CACNA1E: variants seen among roughly 807,000 people sequenced by gnomAD.
The protein encoded by CACNA1E is calcium voltage-gated channel subunit alpha1 E.
CACNA1E carries 40 observed loss-of-function variants against 259.2 expected under a neutral mutation model. That is an observed-to-expected ratio of 0.15 (90% confidence interval 0.12 to 0.20). CACNA1E has a LOEUF of 0.20. CACNA1E is among the 10% of genes least tolerant of loss of function. The pLI is 1.00. For missense variants in CACNA1E, 1,874 were observed against 3,040.1 expected (o/e 0.62, Z 9.02); for synonymous variants, 1,104 against 1,138.5 (o/e 0.97, Z 0.61).
At chr1:181,430,031 G>C (rs1659606180) in intron 2 of CACNA1E, among the ~76,000 whole-genome samples, 1 of 152,172 alleles carries the variant, frequency 6.6e-6, no homozygotes, top group Admixed American at 6.5e-5. Flanking sequence ...ACAGCAGACT[G>C]TCTGAGATCA....
chr1:181,588,665 T>A (rs1484557004), intron 6 of CACNA1E, among the ~76,000 whole-genome samples: 1 of 152,252 alleles, frequency 6.6e-6, no homozygotes, highest in Non-Finnish European at 1.5e-5. Flanking sequence ...GTCTTTTGTC[T>A]GTGCATAGCC....
chr1:181,703,953 C>T (rs913415383), intron 7 of CACNA1E, among the ~76,000 whole-genome samples: 1 of 152,126 alleles, frequency 6.6e-6, no homozygotes, highest in Non-Finnish European at 1.5e-5. Flanking sequence ...ATTTATTTGC[C>T]TTAACCACTT....
intron 7 of CACNA1E, among the ~76,000 whole-genome samples, chr1:181,694,481 T>A (rs1651508195): frequency 6.6e-6 from 1 of 152,214 alleles, no homozygotes; most frequent in Admixed American, 6.5e-5. Flanking sequence ...TCTGCCCTCG[T>A]GAATGGATTA....
At chr1:181,620,787 A>G (rs1396113738) in intron 6 of CACNA1E, among the ~76,000 whole-genome samples, 1 of 152,244 alleles carries the variant, frequency 6.6e-6, no homozygotes, top group Non-Finnish European at 1.5e-5. Flanking sequence ...CCTAGGTGCC[A>G]TAAAGTCAGG....
chr1:181,583,243 A>T (rs1208427581), intron 6 of CACNA1E, among the ~76,000 whole-genome samples: 3 of 152,178 alleles, frequency 2.0e-5, no homozygotes, highest in Admixed American at 1.3e-4. Flanking sequence ...GTGTTTCTGC[A>T]TATAGAAAAA....
chr1:181,640,652 T>C (rs1657662763), intron 6 of CACNA1E, among the ~76,000 whole-genome samples: 2 of 152,358 alleles, frequency 1.3e-5, no homozygotes, highest in South Asian at 4.1e-4. Flanking sequence ...TGAAGCTTTT[T>C]TCTTGAGCGT....
At chr1:181,596,559 TG>T (rs2103044756) in intron 6 of CACNA1E, among the ~76,000 whole-genome samples, 1 of 52,268 alleles carries the variant, frequency 1.9e-5, no homozygotes, top group Admixed American at 2.4e-4. Flanking sequence ...ACCATGTACG[TG>T]TGTGTGTGTG....
At chr1:181,645,365 C>A (rs1306051177) in intron 6 of CACNA1E, among the ~76,000 whole-genome samples, 1 of 152,104 alleles carries the variant, frequency 6.6e-6, no homozygotes, top group African/African-American at 2.4e-5. Context: ...AACATCCACA[C>A]AGAGCTCCAG....
intron 1 of CACNA1E, among the ~76,000 whole-genome samples, chr1:181,484,480 T>A (rs1213970460): frequency 2.6e-5 from 4 of 152,182 alleles, no homozygotes; most frequent in African/African-American, 9.7e-5. Flanking sequence ...ATGAGGGGAT[T>A]TATCAGTTCA....
chr1:181,476,431 G>A (rs1337670138), intron 2 of CACNA1E, among the ~76,000 whole-genome samples: 2 of 152,206 alleles, frequency 1.3e-5, no homozygotes, highest in Non-Finnish European at 2.9e-5. Context: ...GGTGGGTGCA[G>A]TGGAATCTTA....
intron 6 of CACNA1E, among the ~76,000 whole-genome samples, chr1:181,594,542 G>A (rs920633271): frequency 6.6e-6 from 1 of 152,130 alleles, no homozygotes; most frequent in Non-Finnish European, 1.5e-5. Context: ...AGGATCACAG[G>A]CCCCTGCTAC....
intron 21 of CACNA1E, among the ~76,000 whole-genome samples, chr1:181,734,484 C>G (rs1655840448): frequency 6.7e-6 from 1 of 148,534 alleles, no homozygotes; most frequent in Non-Finnish European, 1.5e-5. Context: ...TGCCCTGACC[C>G]CACAGCTCAT....
At chr1:181,690,633 G>A (rs1009549121) in intron 7 of CACNA1E, among the ~76,000 whole-genome samples, 1 of 152,100 alleles carries the variant, frequency 6.6e-6, no homozygotes, top group Non-Finnish European at 1.5e-5. Flanking sequence ...CCATTTGTTT[G>A]TGTCCTCTCT....
chr1:181,589,663 G>GT (rs1553290787), intron 6 of CACNA1E, among the ~76,000 whole-genome samples: 1 of 152,058 alleles, frequency 6.6e-6, no homozygotes, highest in Non-Finnish European at 1.5e-5. Flanking sequence ...AGGCTGCAGT[G>GT]TGCTATGATT....
chr1:181,541,087 C>G (rs151115844), intron 3 of CACNA1E, among the ~76,000 whole-genome samples: 239 of 152,228 alleles, frequency 1.6e-3, no homozygotes, highest in African/African-American at 5.7e-3. Context: ...GGATATTTAA[C>G]CTGAATTAAA....
At chr1:181,593,168 A>G (rs763753794) in intron 6 of CACNA1E, among the ~76,000 whole-genome samples, 1 of 152,144 alleles carries the variant, frequency 6.6e-6, no homozygotes, top group Non-Finnish European at 1.5e-5. Flanking sequence ...AGCCCTCACT[A>G]TATGAGTGTA....
Position 181,772,240 on chromosome 1 carries a change from C to T in CACNA1E, c.5139+9C>T. 2 of 1,611,032 alleles carry T rather than the reference C, an allele frequency of 1.2e-6. No individual in the cohort carries two copies. The highest frequency in any genetic ancestry group is 8.5e-7 in the Non-Finnish European group (1 of 1,178,084). On this transcript the variant is annotated intron_variant, in intron 37 of 47. Coordinates refer to ENST00000367573, the MANE Select transcript of CACNA1E (RefSeq NM_001205293.3). Reference sequence around the variant, plus strand: ...TCTTCTGCTCCTTCTTGGTGAGCAACATTGTGCTTTTGCCTTGCTATGTGG... The same window carrying T: ...TCTTCTGCTCCTTCTTGGTGAGCAATATTGTGCTTTTGCCTTGCTATGTGG...
intron 3 of CACNA1E, among the ~76,000 whole-genome samples, chr1:181,550,159 G>T (rs1305204210): frequency 6.6e-6 from 1 of 152,120 alleles, no homozygotes; most frequent in Admixed American, 6.5e-5. Context: ...ACCAGAGGAG[G>T]GGACAGATAC....
At chr1:181,609,108 G>C (rs1654507637) in intron 6 of CACNA1E, among the ~76,000 whole-genome samples, 1 of 152,182 alleles carries the variant, frequency 6.6e-6, no homozygotes, top group African/African-American at 2.4e-5. Context: ...TGAATGCTTT[G>C]CCCAGCAGGG....
Sources: gnomAD v4.1 joint callset for allele counts (sites outside exome capture counted in the v4.1 genomes callset) on GRCh38, gnomAD v4.1.1 for gene constraint, MANE v1.5 for transcripts, NCBI Gene and HGNC (gene_info 2026-07-23, HGNC 2026-07-21) for gene names.